The following KCNIP4 variants were observed in gnomAD, a reference collection of about 807,000 sequenced individuals.
KCNIP4 encodes potassium voltage-gated channel interacting protein 4, also known as Kv channel-interacting protein 4.
KCNIP4 carries 12 observed loss-of-function variants against 34.0 expected under a neutral mutation model. The ratio of observed to expected loss-of-function variants is 0.35; its 90% CI spans 0.23 to 0.57. The LOEUF is 0.57. Among genes scored for constraint, KCNIP4 ranks in the 20% least tolerant of loss-of-function variants. KCNIP4 has a pLI of 0.83. For missense variants in KCNIP4, 238 were observed against 311.7 expected (o/e 0.76, Z 1.78); for synonymous variants, 124 against 102.2 (o/e 1.21, Z -1.29).
chr4:21,166,437 G>A (rs894583547), intron 1 of KCNIP4, among the ~76,000 whole-genome samples: 1 of 152,130 alleles, frequency 6.6e-6, no homozygotes, highest in African/African-American at 2.4e-5. Context: ...TGGAGTGACA[G>A]GAATGCTCAC....
At chr4:21,464,140 A>AT (rs1273031421) in intron 1 of KCNIP4, among the ~76,000 whole-genome samples, 6 of 151,490 alleles carry the variant, frequency 4.0e-5, no homozygotes, top group African/African-American at 1.5e-4. Context: ...GTCAATTTTA[A>AT]TTTTTTTCTT....
chr4:21,938,286 T>G (rs1382181171), intron 1 of KCNIP4, among the ~76,000 whole-genome samples: 1 of 152,142 alleles, frequency 6.6e-6, no homozygotes, highest in Admixed American at 6.6e-5. Flanking sequence ...GCTTTTGAAG[T>G]TCTAATTTTC....
chr4:20,862,003 A>G (rs1203271301), intron 2 of KCNIP4, among the ~76,000 whole-genome samples: 1 of 148,764 alleles, frequency 6.7e-6, no homozygotes. Context: ...TATTATTATT[A>G]TTATTGAGAT....
At chr4:21,937,871 C>A (rs1729951305) in intron 1 of KCNIP4, among the ~76,000 whole-genome samples, 1 of 151,982 alleles carries the variant, frequency 6.6e-6, no homozygotes, top group South Asian at 2.1e-4. Context: ...GTTTTACTCC[C>A]TTTTTGTCCA....
At chr4:20,935,129 C>A (rs1730924006) in intron 1 of KCNIP4, among the ~76,000 whole-genome samples, 1 of 152,184 alleles carries the variant, frequency 6.6e-6, no homozygotes, top group South Asian at 2.1e-4. Flanking sequence ...TTCATCTTAA[C>A]TTGATTGCAC....
intron 3 of KCNIP4, among the ~76,000 whole-genome samples, chr4:20,811,123 A>C (rs943985604): frequency 2.0e-5 from 3 of 152,206 alleles, no homozygotes; most frequent in African/African-American, 7.2e-5. Flanking sequence ...ACTTTTTATA[A>C]GCCTAACTGG....
intron 1 of KCNIP4, among the ~76,000 whole-genome samples, chr4:21,790,219 T>C (rs1490701358): frequency 2.6e-5 from 4 of 152,212 alleles, no homozygotes; most frequent in Admixed American, 6.5e-5. Context: ...AGCACTGTGC[T>C]CTCATTTTCA....
chr4:21,065,726 C>CATTATATATATA (rs1347877012), intron 1 of KCNIP4, among the ~76,000 whole-genome samples: 1 of 86,370 alleles, frequency 1.2e-5, no homozygotes, highest in African/African-American at 4.3e-5. Context: ...TATCATTTGT[C>CATTATATATATA]TATATATATA....
chr4:21,000,130 G>C (rs923913483), intron 1 of KCNIP4, among the ~76,000 whole-genome samples: 1 of 152,070 alleles, frequency 6.6e-6, no homozygotes, highest in Non-Finnish European at 1.5e-5. Flanking sequence ...ATATACCATC[G>C]ATTCCAGCAG....
intron 1 of KCNIP4, among the ~76,000 whole-genome samples, chr4:21,874,699 A>T (rs1036068357): frequency 1.3e-5 from 2 of 152,150 alleles, no homozygotes; most frequent in African/African-American, 4.8e-5. Flanking sequence ...CAAATTGGTA[A>T]ATTGTTCTCT....
In KCNIP4 at chr4:21,763,001, C is replaced by G. The variant is rs991535234; in HGVS notation, c.61+185570G>C. On this transcript the variant is annotated intron_variant, in intron 1 of 8. Coordinates refer to ENST00000382152, the MANE Select transcript of KCNIP4 (RefSeq NM_025221.6). ...GTAAGTCTTCTTGTCAAGGACAGCA[C>G]TTGGTACACAGCGAATGCTCAATAA... 6 of 1,288,662 alleles carry G rather than the reference C, an allele frequency of 4.7e-6. No individual in the cohort carries two copies. The African/African-American group carries it at 7.6e-5, about 16-fold the overall frequency. The allele number at this position is 1,288,662 out of a possible 1,614,324, so 79.8% of individuals were successfully genotyped here.
chr4:21,187,165 G>T (rs927298104), intron 1 of KCNIP4, among the ~76,000 whole-genome samples: 1 of 152,026 alleles, frequency 6.6e-6, no homozygotes, highest in Non-Finnish European at 1.5e-5. Context: ...GTCAATAAAA[G>T]TCAAAGTTAC....
rs200745647 is a variant in KCNIP4 at position 21,324,702 on chromosome 4, TG to T, written c.62-441994del. Among the ~76,000 whole-genome samples, 356 of 151,132 alleles carry T rather than the reference TG, an allele frequency of 2.4e-3. 4 individuals carry two copies. The East Asian group carries it at 0.042, about 18-fold the overall frequency. On this transcript the variant is annotated intron_variant, in intron 1 of 8. Transcript: ENST00000382152. ...TAATGTGATTCCTCCAGTTTTGTTTTGTTTTTTTCTTTTACTCAGGATTGCT... is the reference window on the plus strand; with the variant it reads ...TAATGTGATTCCTCCAGTTTTGTTTTTTTTTTTCTTTTACTCAGGATTGCT...
intron 1 of KCNIP4, among the ~76,000 whole-genome samples, chr4:21,017,821 G>A (rs1047823571): frequency 6.6e-6 from 1 of 152,098 alleles, no homozygotes; most frequent in African/African-American, 2.4e-5. Context: ...GTGTAAAAGT[G>A]TTCCTGTTTC....
At chr4:20,786,120 A>G (rs1006959656) in intron 3 of KCNIP4, among the ~76,000 whole-genome samples, 1 of 152,186 alleles carries the variant, frequency 6.6e-6, no homozygotes, top group African/African-American at 2.4e-5. Flanking sequence ...AGCCATAAAA[A>G]GGAATGGAAT....
intron 1 of KCNIP4, among the ~76,000 whole-genome samples, chr4:21,368,491 A>C (rs1443560232): frequency 6.8e-6 from 1 of 147,224 alleles, no homozygotes; most frequent in Admixed American, 6.6e-5. Flanking sequence ...CATGATTCTC[A>C]ACCATTTATA....
intron 1 of KCNIP4, among the ~76,000 whole-genome samples, chr4:21,118,707 C>A (rs1385100086): frequency 6.6e-6 from 1 of 152,078 alleles, no homozygotes; most frequent in Non-Finnish European, 1.5e-5. Flanking sequence ...TAAGCTCACC[C>A]TCTCCAAGCA....
intron 1 of KCNIP4, among the ~76,000 whole-genome samples, chr4:21,364,871 G>C (rs1367998156): frequency 6.6e-6 from 1 of 152,170 alleles, no homozygotes; most frequent in Non-Finnish European, 1.5e-5. Flanking sequence ...AAAAGTACAT[G>C]AGTTGGACTT....
intron 1 of KCNIP4, among the ~76,000 whole-genome samples, chr4:21,634,883 C>G (rs1222853113): frequency 6.6e-6 from 1 of 152,210 alleles, no homozygotes; most frequent in South Asian, 2.1e-4. Context: ...TTAATAATCT[C>G]CATTTTGAAG....
Sources: allele counts gnomAD v4.1 joint callset (sites outside exome capture counted in the v4.1 genomes callset), GRCh38; gene constraint gnomAD v4.1.1; transcripts MANE v1.5; gene names NCBI Gene and HGNC (gene_info 2026-07-23, HGNC 2026-07-21).